GYS2: variants seen among roughly 807,000 people sequenced by gnomAD.
The protein encoded by GYS2 is glycogen synthase 2, also known as glycogen [starch] synthase, liver.
Under a neutral mutation model 85.6 loss-of-function variants are expected in GYS2, and 80 were observed. That is an observed-to-expected ratio of 0.93 (90% confidence interval 0.78 to 1.13). The LOEUF is 1.13. GYS2 is among the 50% of genes most tolerant of loss of function. The pLI, the probability that GYS2 is intolerant of heterozygous loss-of-function variation, is 0.00. For synonymous variants in GYS2, 328 were observed against 300.7 expected (o/e 1.09, Z -0.94); for missense variants, 881 against 854.9 (o/e 1.03, Z -0.38).
intron 15 of GYS2, 26 bp from the exon 16 acceptor site, chr12:21,537,201 A>C: frequency 6.6e-7 from 1 of 1,505,796 alleles, no homozygotes; most frequent in African/African-American, 1.4e-5. Flanking sequence ...ATAAGACATA[A>C]ACATCACAAC....
In GYS2 at chr12:21,558,304, A is replaced by G. The variant is rs371025503; in HGVS notation, c.1318T>C (p.Leu440=). The change falls in exon 11 of 16, where the codon TTG becomes CTG. Residue 440 remains leucine (L), a synonymous_variant. Coordinates refer to ENST00000261195, the MANE Select transcript of GYS2 (RefSeq NM_021957.4). ...ATGTTGTGCGTGGTCACTGGGGGCA[A>G]TGACTGTCGCTGAAGTATGAGAGGG... ...RAIFSTQRQS[L]PPVTTHNMID... 31 of 1,605,896 alleles carry G rather than the reference A, an allele frequency of 1.9e-5. No homozygotes were observed. Among genetic ancestry groups the G allele is most frequent in the Middle Eastern group, 3.3e-4 (2 of 6,066 alleles).
intron 3 of GYS2, 128 bp downstream of exon 3, chr12:21,575,738 A>G: frequency 1.3e-6 from 1 of 761,046 alleles, no homozygotes; most frequent in Admixed American, 1.9e-5. Context: ...ATTTCTTTCA[A>G]TTGTATTAGG....
Position 21,576,663 on chromosome 12 carries a change from T to C in GYS2, c.304-606A>G, listed in dbSNP as rs143368034. ...AATCTAGTAACTCAAAGTATAATTC[T>C]ATTACATTCTTCAAATTGACGTTGA... On this transcript the variant is annotated intron_variant, in intron 2 of 15. Transcript: ENST00000261195. Among the ~76,000 whole-genome samples, 232 of 152,340 alleles carry C rather than the reference T, an allele frequency of 1.5e-3. 1 individual carries two copies. The highest frequency in any genetic ancestry group is 2.8e-3 in the Non-Finnish European group (192 of 68,026).
At chr12:21,557,637 C>T (rs1463198393) in intron 11 of GYS2, among the ~76,000 whole-genome samples, 2 of 152,162 alleles carry the variant, frequency 1.3e-5, no homozygotes, top group Non-Finnish European at 2.9e-5. Flanking sequence ...CGGTGGCTCA[C>T]GCCTGTAATC....
chr12:21,553,796 AACAC>A (rs3061568), intron 11 of GYS2, among the ~76,000 whole-genome samples: 7 of 151,438 alleles, frequency 4.6e-5, no homozygotes, highest in Admixed American at 3.3e-4. Context: ...ACACACATAT[AACAC>A]ACACACACAC....
At chr12:21,593,905 T>C (rs935295576) in intron 1 of GYS2, among the ~76,000 whole-genome samples, 3 of 152,072 alleles carry the variant, frequency 2.0e-5, no homozygotes, top group African/African-American at 7.2e-5. Context: ...ATCCAAAAGA[T>C]AATACACCAT....
chr12:21,579,411 T>TGGCACGATCTCAGCTCATTGCAAC (rs1944483506), intron 2 of GYS2, among the ~76,000 whole-genome samples: 1 of 142,998 alleles, frequency 7.0e-6, no homozygotes, highest in Non-Finnish European at 1.5e-5. Flanking sequence ...AGGCGAGCAA[T>TGGCACGATCTCAGCTCATTGCAAC]GGCACGATCT....
chr12:21,549,739 T>C (rs1445246621), intron 11 of GYS2, among the ~76,000 whole-genome samples: 3 of 152,202 alleles, frequency 2.0e-5, no homozygotes, highest in Non-Finnish European at 4.4e-5. Context: ...ATCACAGAAG[T>C]GGTGCTGTGT....
chr12:21,582,570 TATAGATATAGAG>T lies in GYS2; in HGVS notation c.122-2059_122-2048del, dbSNP rs879454286. ...ACTACATAATAAACTCTCATATAGA[TATAGATATAGAG>T]ATAGATATAGAGATAGATATAGATA... On this transcript the variant is annotated intron_variant, in intron 1 of 15. Coordinates refer to ENST00000261195, the MANE Select transcript of GYS2 (RefSeq NM_021957.4). Among the ~76,000 whole-genome samples the T allele has an allele frequency of 5.8e-3, 843 of 146,516 alleles. 4 individuals are homozygous for T. The highest frequency in any genetic ancestry group is 8.6e-3 in the Non-Finnish European group (582 of 67,400).
chr12:21,590,745 T>A (rs1168517589), intron 1 of GYS2, among the ~76,000 whole-genome samples: 1 of 152,178 alleles, frequency 6.6e-6, no homozygotes, highest in African/African-American at 2.4e-5. Context: ...ACAGGAATGC[T>A]AGGCCCACCA....
At chr12:21,553,190 C>T (rs1377393653) in intron 11 of GYS2, among the ~76,000 whole-genome samples, 1 of 152,222 alleles carries the variant, frequency 6.6e-6, no homozygotes, top group Non-Finnish European at 1.5e-5. Context: ...ACTGGGATTA[C>T]AGACAGGAGC....
intron 7 of GYS2, among the ~76,000 whole-genome samples, chr12:21,562,595 C>G (rs535952498): frequency 1.4e-3 from 210 of 148,632 alleles, no homozygotes; most frequent in Non-Finnish European, 2.5e-3. Context: ...TGATTACAAA[C>G]TCATGTGAGG....
chr12:21,557,645 A>G (rs1944196553), intron 11 of GYS2, among the ~76,000 whole-genome samples: 1 of 152,340 alleles, frequency 6.6e-6, no homozygotes, highest in South Asian at 2.1e-4. Flanking sequence ...CACGCCTGTA[A>G]TCCCAGCACT....
At chr12:21,582,372 G>A (rs1184537998) in intron 1 of GYS2, among the ~76,000 whole-genome samples, 3 of 152,158 alleles carry the variant, frequency 2.0e-5, no homozygotes, top group East Asian at 1.9e-4. Context: ...GCAGAAAAAT[G>A]TGAAAAGGCT....
chr12:21,555,881 A>T (rs950834431), intron 11 of GYS2, among the ~76,000 whole-genome samples: 7 of 152,182 alleles, frequency 4.6e-5, no homozygotes, highest in African/African-American at 1.4e-4. Context: ...CAGATCAAAA[A>T]CATGGCATCT....
chr12:21,567,031 C>A (rs968580292), intron 5 of GYS2, among the ~76,000 whole-genome samples: 1 of 152,022 alleles, frequency 6.6e-6, no homozygotes, highest in African/African-American at 2.4e-5. Flanking sequence ...TGTGCAGTGT[C>A]ATGAAAAATA....
intron 4 of GYS2, among the ~76,000 whole-genome samples, chr12:21,572,418 T>C (rs1205182457): frequency 6.6e-6 from 1 of 152,214 alleles, no homozygotes; most frequent in East Asian, 1.9e-4. Flanking sequence ...TTCTTCCTTA[T>C]ACTGAAATTT....
chr12:21,568,498 G>T (rs1358250210), intron 5 of GYS2, among the ~76,000 whole-genome samples: 1 of 152,200 alleles, frequency 6.6e-6, no homozygotes, highest in Non-Finnish European at 1.5e-5. Flanking sequence ...ATTACAAGAT[G>T]TAGGACTGGG....
At chr12:21,591,616 T>A (rs1045548688) in intron 1 of GYS2, among the ~76,000 whole-genome samples, 1 of 152,180 alleles carries the variant, frequency 6.6e-6, no homozygotes, top group East Asian at 1.9e-4. Flanking sequence ...GCAAGAAATG[T>A]AGACATCCAG....
Sources: allele counts gnomAD v4.1 joint callset (sites outside exome capture counted in the v4.1 genomes callset), GRCh38; gene constraint gnomAD v4.1.1; transcripts MANE v1.5; gene names NCBI Gene and HGNC (gene_info 2026-07-23, HGNC 2026-07-21).